AGBL4: variants seen among roughly 807,000 people sequenced by gnomAD.
AGBL4 encodes the protein AGBL carboxypeptidase 4, also known as cytosolic carboxypeptidase 6.
Under a neutral mutation model 66.4 loss-of-function variants are expected in AGBL4, and 58 were observed. The ratio of observed to expected loss-of-function variants is 0.87; its 90% CI spans 0.71 to 1.09. AGBL4 has a LOEUF of 1.09. Among genes scored for constraint, AGBL4 ranks in the 50% least tolerant of loss-of-function variants. The probability of loss-of-function intolerance (pLI) is 0.00; values close to 1 mark genes in which losing one functional copy is unlikely to be tolerated. For missense variants in AGBL4, 579 were observed against 631.0 expected (o/e 0.92, Z 0.88); for synonymous variants, 234 against 222.9 (o/e 1.05, Z -0.44).
At chr1:48,565,802 T>C in intron 11 of AGBL4, among the ~76,000 whole-genome samples, 1 of 152,238 alleles carries the variant, frequency 6.6e-6, no homozygotes, top group South Asian at 2.1e-4. Flanking sequence ...GAGGTTGAAT[T>C]GGGGAAGCCG....
chr1:49,894,850 T>A (rs905699426), intron 1 of AGBL4, among the ~76,000 whole-genome samples: 12 of 151,978 alleles, frequency 7.9e-5, no homozygotes, highest in Non-Finnish European at 1.8e-4. Context: ...TGGGTAAAAA[T>A]TTTTTCAAAG....
intron 4 of AGBL4, among the ~76,000 whole-genome samples, chr1:49,227,430 G>C (rs944126385): frequency 6.6e-6 from 1 of 151,066 alleles, no homozygotes; most frequent in Admixed American, 6.6e-5. Flanking sequence ...ACTCATCCCT[G>C]ATTCATCAAA....
At chr1:49,052,877 A>G (rs1644245134) in intron 4 of AGBL4, among the ~76,000 whole-genome samples, 1 of 152,128 alleles carries the variant, frequency 6.6e-6, no homozygotes, top group Non-Finnish European at 1.5e-5. Flanking sequence ...CTAGCTTTGG[A>G]TGTCTTTTAG....
intron 1 of AGBL4, among the ~76,000 whole-genome samples, chr1:49,939,560 C>T (rs1213245993): frequency 6.6e-6 from 1 of 151,820 alleles, no homozygotes; most frequent in East Asian, 1.9e-4. Context: ...ATATCTACAA[C>T]TATCTGATCT....
intron 5 of AGBL4, among the ~76,000 whole-genome samples, chr1:48,919,938 C>T (rs973523525): frequency 6.6e-6 from 1 of 152,164 alleles, no homozygotes; most frequent in Non-Finnish European, 1.5e-5. Context: ...AATCCTTCTT[C>T]TCTTGTGTTG....
chr1:49,357,909 G>C (rs551459401), intron 3 of AGBL4, among the ~76,000 whole-genome samples: 1 of 151,916 alleles, frequency 6.6e-6, no homozygotes, highest in African/African-American at 2.4e-5. Context: ...GCTTCACTTC[G>C]TTCCTTGTCT....
At chr1:48,753,254 A>G (rs977103703) in intron 6 of AGBL4, among the ~76,000 whole-genome samples, 1 of 152,242 alleles carries the variant, frequency 6.6e-6, no homozygotes, top group African/African-American at 2.4e-5. Flanking sequence ...GTCTGTATGT[A>G]GTGGGCTTTA....
intron 1 of AGBL4, among the ~76,000 whole-genome samples, chr1:49,998,740 C>A (rs1660538181): frequency 6.6e-6 from 1 of 152,248 alleles, no homozygotes; most frequent in East Asian, 1.9e-4. Flanking sequence ...CCACCATGAT[C>A]AAGTGGGTTT....
At chr1:49,380,058 G>A (rs1304496559) in intron 3 of AGBL4, among the ~76,000 whole-genome samples, 2 of 152,084 alleles carry the variant, frequency 1.3e-5, no homozygotes, top group Admixed American at 6.6e-5. Context: ...AGGAAGTCAA[G>A]TTGTCCCTGT....
intron 6 of AGBL4, chr1:48,760,907 C>T (rs1644223825): frequency 6.5e-6 from 1 of 154,416 alleles, no homozygotes; most frequent in Non-Finnish European, 1.4e-5. Context: ...TCTCACAAAT[C>T]CCTTCTGTGA....
At chr1:49,257,572 A>G (rs1194943024) in intron 3 of AGBL4, 2 of 152,592 alleles carry the variant, frequency 1.3e-5, no homozygotes, top group Non-Finnish European at 2.9e-5. Context: ...AGGTGCTGTC[A>G]CCCCTTTCCT....
chr1:48,876,846 A>G (rs1024509357), intron 5 of AGBL4, among the ~76,000 whole-genome samples: 1 of 152,232 alleles, frequency 6.6e-6, no homozygotes, highest in South Asian at 2.1e-4. Flanking sequence ...TATGTTTTTA[A>G]TAAGTCACAT....
chr1:48,694,246 G>C (rs1242543918), intron 6 of AGBL4, among the ~76,000 whole-genome samples: 1 of 151,998 alleles, frequency 6.6e-6, no homozygotes, highest in African/African-American at 2.4e-5. Flanking sequence ...AGGAAAGGAT[G>C]GGTGAGGATT....
chr1:49,767,497 C>T (rs955644879), intron 2 of AGBL4, among the ~76,000 whole-genome samples: 12 of 151,742 alleles, frequency 7.9e-5, no homozygotes, highest in Non-Finnish European at 2.9e-5. Flanking sequence ...ACACCTACAT[C>T]AAGAAGTTAG....
At chr1:48,690,831 C>G (rs949669051) in intron 6 of AGBL4, among the ~76,000 whole-genome samples, 1 of 151,996 alleles carries the variant, frequency 6.6e-6, no homozygotes. Flanking sequence ...TCTAATAGCC[C>G]TCTTAAAAAA....
intron 5 of AGBL4, among the ~76,000 whole-genome samples, chr1:49,009,090 C>T (rs1409733772): frequency 6.6e-6 from 1 of 151,446 alleles, no homozygotes; most frequent in African/African-American, 2.4e-5. Context: ...AATCCAGGAG[C>T]TGGTTTTTTG....
chr1:49,723,128 C>G lies in AGBL4; in HGVS notation c.158-25691G>C, dbSNP rs563718557. On this transcript the variant is annotated intron_variant, in intron 2 of 13. Coordinates refer to ENST00000371839, the MANE Select transcript of AGBL4 (RefSeq NM_032785.4). ...GAAATCAATGACAATCCCTGAAAAA[C>G]AACTTTTCTAATCACTCCCATTCCT... 2.0e-5 allele frequency among the ~76,000 whole-genome samples: 3 copies of G among 152,186 alleles called. No individual in the cohort carries two copies. The South Asian group carries it at 6.2e-4, about 32-fold the overall frequency.
intron 8 of AGBL4, among the ~76,000 whole-genome samples, chr1:48,642,791 A>C (rs2148426579): frequency 6.6e-6 from 1 of 152,266 alleles, no homozygotes; most frequent in East Asian, 1.9e-4. Context: ...TAAGTGAAAA[A>C]GGACAGAGGA....
At chr1:49,103,515 G>C (rs976951538) in intron 4 of AGBL4, among the ~76,000 whole-genome samples, 5 of 152,174 alleles carry the variant, frequency 3.3e-5, no homozygotes, top group Non-Finnish European at 5.9e-5. Context: ...ATGCACATGA[G>C]ACTGCCCACA....
Sources: allele counts gnomAD v4.1 joint callset (sites outside exome capture counted in the v4.1 genomes callset), GRCh38; gene constraint gnomAD v4.1.1; transcripts MANE v1.5; gene names NCBI Gene and HGNC (gene_info 2026-07-23, HGNC 2026-07-21).